Variants in APBB2 observed in about 807,000 individuals in gnomAD.
APBB2 encodes the protein Fe65-like 1.
A neutral mutation model predicts 82.5 loss-of-function variants in APBB2; 38 were observed. The ratio of observed to expected loss-of-function variants is 0.46; its 90% CI spans 0.36 to 0.60. The LOEUF (loss-of-function observed/expected upper bound fraction) is 0.60. Ranked by LOEUF, APBB2 falls within the 20% of genes least tolerant of loss-of-function variation. The probability of loss-of-function intolerance (pLI) is 0.00; values close to 1 mark genes in which losing one functional copy is unlikely to be tolerated. For synonymous variants in APBB2, 341 were observed against 368.2 expected (o/e 0.93, Z 0.85); for missense variants, 772 against 972.3 (o/e 0.79, Z 2.74).
chr4:41,177,272 G>C (rs1192069788), intron 1 of APBB2, among the ~76,000 whole-genome samples: 1 of 152,048 alleles, frequency 6.6e-6, no homozygotes, highest in East Asian at 1.9e-4. Context: ...AGGCAAACAA[G>C]ATCTACCACA....
intron 1 of APBB2, among the ~76,000 whole-genome samples, chr4:41,196,911 C>G: frequency 1.3e-5 from 2 of 152,154 alleles, no homozygotes; most frequent in Non-Finnish European, 2.9e-5. Context: ...CTGAACACAG[C>G]CCAAGTGAGG....
intron 7 of APBB2, chr4:40,935,629 A>G (rs1785201885): frequency 6.5e-6 from 1 of 153,216 alleles, no homozygotes; most frequent in South Asian, 2.1e-4. Context: ...CTTAAAAGAA[A>G]AAAAGGAGAA....
intron 5 of APBB2, among the ~76,000 whole-genome samples, chr4:41,016,115 T>C (rs576591337): frequency 6.6e-6 from 1 of 152,302 alleles, no homozygotes; most frequent in South Asian, 2.1e-4. Flanking sequence ...AAAGTTATTT[T>C]TAGACTCTTG....
chr4:41,206,453 AG>A (rs1354285828), intron 1 of APBB2, among the ~76,000 whole-genome samples: 3 of 152,236 alleles, frequency 2.0e-5, no homozygotes, highest in African/African-American at 7.2e-5. Context: ...GAACAAAGGA[AG>A]GAACAAATGA....
chr4:41,194,874 C>T, intron 1 of APBB2, among the ~76,000 whole-genome samples: 15,259 of 151,798 alleles, frequency 0.1, 987 homozygotes, highest in African/African-American at 0.17. Context: ...TTTTTATTTA[C>T]GTAATATTGG....
chr4:41,209,761 T>C (rs1006475826), intron 1 of APBB2, among the ~76,000 whole-genome samples: 1 of 152,216 alleles, frequency 6.6e-6, no homozygotes, highest in Non-Finnish European at 1.5e-5. Context: ...GGCAGGGCCA[T>C]AAAGTTAATT....
intron 6 of APBB2, among the ~76,000 whole-genome samples, chr4:40,983,546 C>A (rs2154405853): frequency 6.6e-6 from 1 of 151,650 alleles, no homozygotes; most frequent in Admixed American, 6.6e-5. Flanking sequence ...CACAGGGAGT[C>A]CAAGTTTCTT....
chr4:41,065,799 T>C (rs1355254157), intron 3 of APBB2, 126 bp from the exon 4 acceptor site: 1 of 151,528 alleles, frequency 6.6e-6, no homozygotes, highest in East Asian at 1.9e-4. Flanking sequence ...ACCATGTTTA[T>C]GAATTATTCA....
intron 1 of APBB2, among the ~76,000 whole-genome samples, chr4:41,167,804 T>G (rs1767079107): frequency 6.6e-6 from 1 of 152,168 alleles, no homozygotes; most frequent in Non-Finnish European, 1.5e-5. Flanking sequence ...ACTCTTTCCC[T>G]AGATGAGAAC....
chr4:41,157,757 G>A (rs1451021029), intron 1 of APBB2, among the ~76,000 whole-genome samples: 2 of 152,184 alleles, frequency 1.3e-5, no homozygotes, highest in African/African-American at 2.4e-5. Flanking sequence ...TTGGGAGGAT[G>A]ATGTGGGTGG....
chr4:41,014,387 C>A lies in APBB2; in HGVS notation c.31G>T (p.Val11Phe). 1 of 1,613,880 alleles carries A rather than the reference C, an allele frequency of 6.2e-7. No homozygotes were observed. Among genetic ancestry groups the A allele is most frequent in the South Asian group, 1.1e-5 (1 of 91,068 alleles). The change falls in exon 6 of 18, where the codon GTT (valine) becomes TTT (phenylalanine). Residue 11 changes from valine to phenylalanine, a missense_variant. By Grantham distance (50) the Val-to-Phe change is conservative (BLOSUM62 -1). Transcript: ENST00000508593. ...GCCATAAACACTGCCAAGGTGTCAA[C>A]ACCTGAGTCAGCTGGGGAAAAAAAA... MSEVLPADSG[V>F]DTLAVFMASS...
At chr4:40,861,339 G>A (rs1762708966) in intron 12 of APBB2, among the ~76,000 whole-genome samples, 2 of 150,300 alleles carry the variant, frequency 1.3e-5, no homozygotes, top group South Asian at 4.2e-4. Context: ...AACAGAATGA[G>A]ACTCTGTCTC....
In APBB2 at chr4:40,899,105, A is replaced by G. The variant is rs543718333; in HGVS notation, c.1255-5694T>C. On this transcript the variant is annotated intron_variant, in intron 10 of 17. Coordinates refer to ENST00000508593, the MANE Select transcript of APBB2 (RefSeq NM_004307.2). Reference sequence around the variant, plus strand: ...TCAAATCCCAGGGCTGCCTCTTACCATTTTTGACCTTGGGTGAGTTAGTTA... The same window carrying G: ...TCAAATCCCAGGGCTGCCTCTTACCGTTTTTGACCTTGGGTGAGTTAGTTA... 2.0e-4 allele frequency among the ~76,000 whole-genome samples: 30 copies of G among 152,276 alleles called. No individual in the cohort carries two copies. In the South Asian group the frequency reaches 5.4e-3, roughly 27 times the overall value.
intron 4 of APBB2, among the ~76,000 whole-genome samples, chr4:41,050,596 C>T (rs1482095519): frequency 6.6e-6 from 1 of 152,150 alleles, no homozygotes; most frequent in East Asian, 1.9e-4. Flanking sequence ...GTTACCTTTC[C>T]CTGGAAAATC....
intron 6 of APBB2, among the ~76,000 whole-genome samples, chr4:41,007,409 T>C (rs1807060808): frequency 6.6e-6 from 1 of 152,076 alleles, no homozygotes; most frequent in South Asian, 2.1e-4. Flanking sequence ...CTCAGGTATT[T>C]CGTTATAGCA....
chr4:41,002,292 G>T lies in APBB2; in HGVS notation c.835+11291C>A, dbSNP rs1196146086. Among the ~76,000 whole-genome samples the T allele has an allele frequency of 3.3e-5, 5 of 152,342 alleles. No individual in the cohort carries two copies. In the South Asian group the frequency reaches 6.2e-4, roughly 19 times the overall value. On this transcript the variant is annotated intron_variant, in intron 6 of 17. Coordinates refer to ENST00000508593, the MANE Select transcript of APBB2 (RefSeq NM_004307.2). ...TTCTTAACCAGATTAACAGATGGAAGACTCTGAGAAGTCATCTAGAGATGT... is the reference window on the plus strand; with the variant it reads ...TTCTTAACCAGATTAACAGATGGAATACTCTGAGAAGTCATCTAGAGATGT...
intron 7 of APBB2, 23 bp from the exon 8 acceptor site, chr4:40,935,162 A>T (rs904074663): frequency 2.7e-6 from 4 of 1,455,130 alleles, no homozygotes; most frequent in Non-Finnish European, 3.7e-6. Context: ...TTATTCACAT[A>T]GGAAAAAAGC....
intron 6 of APBB2, among the ~76,000 whole-genome samples, chr4:40,967,290 T>C (rs951605415): frequency 1.3e-5 from 2 of 152,136 alleles, no homozygotes; most frequent in Admixed American, 1.3e-4. Flanking sequence ...GGACAAGAAC[T>C]CGGGACCTGC....
At chr4:41,184,064 A>C (rs1451953994) in intron 1 of APBB2, among the ~76,000 whole-genome samples, 2 of 152,030 alleles carry the variant, frequency 1.3e-5, no homozygotes, top group African/African-American at 4.8e-5. Context: ...AAGAGCGTAC[A>C]ACCTAGATCC....
Sources: gnomAD v4.1 joint callset for allele counts (sites outside exome capture counted in the v4.1 genomes callset) on GRCh38, gnomAD v4.1.1 for gene constraint, MANE v1.5 for transcripts, NCBI Gene and HGNC (gene_info 2026-07-23, HGNC 2026-07-21) for gene names.